Variants in NETO2 observed in about 807,000 individuals in gnomAD.
NETO2 encodes neuropilin and tolloid-like protein 2.
In NETO2, 28 loss-of-function variants were observed where a neutral mutation model predicts 62.5. The observed-to-expected ratio is 0.45, with a 90% CI of 0.33 to 0.61. The LOEUF is 0.61. Ranked by LOEUF, NETO2 falls within the 20% of genes least tolerant of loss-of-function variation. The probability of loss-of-function intolerance (pLI) is 0.02; values close to 1 mark genes in which losing one functional copy is unlikely to be tolerated. For missense variants in NETO2, 548 were observed against 643.2 expected (o/e 0.85, Z 1.60); for synonymous variants, 214 against 219.1 (o/e 0.98, Z 0.21).
chr16:47,102,743 T>C (rs954586578), intron 7 of NETO2, among the ~76,000 whole-genome samples: 4 of 152,192 alleles, frequency 2.6e-5, no homozygotes, highest in Non-Finnish European at 5.9e-5. Context: ...CACAATGAGC[T>C]ACCATCTCAC....
chr16:47,114,436 T>C (rs1366740183), intron 6 of NETO2, among the ~76,000 whole-genome samples: 1 of 135,018 alleles, frequency 7.4e-6, no homozygotes, highest in Non-Finnish European at 1.6e-5. Context: ...AATTTATAAA[T>C]TTCTTTTTTT....
At chr16:47,097,643 C>A (rs1596709534) in intron 7 of NETO2, among the ~76,000 whole-genome samples, 1 of 152,164 alleles carries the variant, frequency 6.6e-6, no homozygotes. Context: ...AAGAGAGCAG[C>A]AGACCTCCCA....
intron 2 of NETO2, among the ~76,000 whole-genome samples, chr16:47,131,521 T>G (rs1280814803): frequency 1.3e-5 from 2 of 152,168 alleles, no homozygotes; most frequent in African/African-American, 2.4e-5. Context: ...ACACTGGAAA[T>G]GTACTAAATT....
chr16:47,128,211 T>C, intron 4 of NETO2, 114 bp downstream of exon 4: 1 of 1,349,970 alleles, frequency 7.4e-7, no homozygotes, highest in Non-Finnish European at 1.0e-6. Flanking sequence ...GCTAATTTGT[T>C]TAAAATCTTG....
In NETO2 at chr16:47,109,500, A is replaced by C. The variant is rs1963744232; in HGVS notation, c.866T>G (p.Phe289Cys). 1.9e-6 allele frequency: 3 copies of C among 1,613,486 alleles called. No individual in the cohort carries two copies. The highest frequency in any genetic ancestry group is 1.7e-6 in the Non-Finnish European group (2 of 1,179,560). ...TTACTTACGCTCCACAAAGGAAGTA[A>C]AGAGCATTCGAAACCTGCTAAGCCG... ...GSRLSRFRMLFTSFVEPPCTS... is the reference protein window; with the variant it reads ...GSRLSRFRMLCTSFVEPPCTS... Residue 289 changes from phenylalanine (F) to cysteine (C), a missense_variant, in exon 7 of 9, where the codon TTT becomes TGT. Transcript: ENST00000562435.
chr16:47,086,296 G>A lies in NETO2; in HGVS notation c.927C>T (p.Cys309=). 6.2e-7 allele frequency: 1 copy of A among 1,614,012 alleles called. No individual in the cohort carries two copies. Among genetic ancestry groups the A allele is most frequent in the Non-Finnish European group, 8.5e-7 (1 of 1,179,940 alleles). Residue 309 remains cysteine, a synonymous_variant, in exon 8 of 9, where the codon TGC becomes TGT. Coordinates refer to ENST00000562435, the MANE Select transcript of NETO2 (RefSeq NM_018092.5). The stretch of plus-strand genomic sequence containing the variant: ...CATTACAGACTAAAGAATTATTGAT[G>A]CACATGTTGCTATGGCAAAAGAAAG... The part of the protein sequence containing the change: ...SSTFFCHSNM[C]INNSLVCNGV...
chr16:47,118,679 C>T (rs1160310036), intron 6 of NETO2, among the ~76,000 whole-genome samples: 1 of 152,186 alleles, frequency 6.6e-6, no homozygotes, highest in African/African-American at 2.4e-5. Context: ...ACAAAAATAT[C>T]TGTGTACCCA....
chr16:47,132,027 TAGAG>T lies in NETO2; in HGVS notation c.35-6_35-3del. On this transcript the variant is annotated splice_polypyrimidine_tract_variant and splice_region_variant and intron_variant, in intron 1 of 8. Coordinates refer to ENST00000562435, the MANE Select transcript of NETO2 (RefSeq NM_018092.5). ...CTACCAGTACTGTTATTAACAACAC[TAGAG>T]AAATAACAGAGAAGAAAAGTTATGA... is the stretch of plus-strand genomic sequence containing the variant. 6.2e-7 allele frequency: 1 copy of T among 1,608,994 alleles called. No individual in the cohort carries two copies. Among genetic ancestry groups the T allele is most frequent in the South Asian group, 1.1e-5 (1 of 90,784 alleles).
intron 6 of NETO2, among the ~76,000 whole-genome samples, chr16:47,117,674 T>G (rs1162398921): frequency 6.6e-6 from 1 of 152,206 alleles, no homozygotes; most frequent in Non-Finnish European, 1.5e-5. Flanking sequence ...ATTTTTCTTT[T>G]AGTTCTAAAT....
chr16:47,116,868 T>C (rs1963933875), intron 6 of NETO2, among the ~76,000 whole-genome samples: 1 of 152,210 alleles, frequency 6.6e-6, no homozygotes, highest in Non-Finnish European at 1.5e-5. Context: ...GATTTACCCA[T>C]TTCATCGAAG....
chr16:47,085,793 T>C (rs981972156), intron 8 of NETO2, among the ~76,000 whole-genome samples: 1 of 152,100 alleles, frequency 6.6e-6, no homozygotes, highest in Admixed American at 6.5e-5. Flanking sequence ...AACATTTACA[T>C]GTTTCCATTT....
At chr16:47,126,258 T>C (rs1212069106) in intron 4 of NETO2, among the ~76,000 whole-genome samples, 2 of 152,192 alleles carry the variant, frequency 1.3e-5, no homozygotes, top group African/African-American at 2.4e-5. Context: ...TGTCCTTCAG[T>C]AGAATGAATA....
rs867213775 is a variant in NETO2, at chr16:47,083,327, C to A, written c.1472G>T (p.Cys491Phe). Residue 491 changes from cysteine (C) to phenylalanine (F), a missense_variant, in exon 9 of 9, where the codon TGC becomes TTC. Cys to Phe is a radical substitution (Grantham distance 205). Transcript: ENST00000562435. The stretch of plus-strand genomic sequence containing the variant: ...TCGGTCTTCCAGGGCCTGCTCAGGG[C>A]ACTCATGTCCCTGTTTGAAAGTGTA... ...SSYTFKQGHE[C>F]PEQALEDRVM... 4 of 1,614,084 alleles carry A rather than the reference C, an allele frequency of 2.5e-6. No individual in the cohort carries two copies. The highest frequency in any genetic ancestry group is 1.3e-5 in the African/African-American group (1 of 74,932).
At chr16:47,136,853 GAAAA>G (rs201342744) in intron 1 of NETO2, among the ~76,000 whole-genome samples, 1 of 151,280 alleles carries the variant, frequency 6.6e-6, no homozygotes, top group East Asian at 1.9e-4. Flanking sequence ...ACTAGATTGG[GAAAA>G]AAAAGGTGAA....
At chr16:47,130,682 A>G (rs1171013987) in intron 2 of NETO2, among the ~76,000 whole-genome samples, 1 of 152,194 alleles carries the variant, frequency 6.6e-6, no homozygotes, top group African/African-American at 2.4e-5. Flanking sequence ...AAATCAGCAG[A>G]ACATTTAGAG....
rs542105581 is a variant in NETO2 at position 47,138,184 on chromosome 16, G to A, written c.34+5395C>T. Among the ~76,000 whole-genome samples, 14 of 152,296 alleles carry A rather than the reference G, an allele frequency of 9.2e-5. No individual in the cohort carries two copies. The South Asian group carries it at 2.9e-3, about 32-fold the overall frequency. ...TGCGAGGCTGAGGTGGGCGGGTCAT[G>A]AGGTCAGAAGTTCAAGACCAGCCTG... On this transcript the variant is annotated intron_variant, in intron 1 of 8. Transcript: ENST00000562435.
chr16:47,078,775 G>C lies in NETO2; in HGVS notation c.*4446C>G, dbSNP rs1338939860. ...AGAACACAGGAGCTCTTCCTGCCTAGTATCGAGCCTGTATACTGTTAACAA... is the reference window on the plus strand; with the variant it reads ...AGAACACAGGAGCTCTTCCTGCCTACTATCGAGCCTGTATACTGTTAACAA... On this transcript the variant is annotated 3_prime_UTR_variant, in exon 9 of 9. Coordinates refer to ENST00000562435, the MANE Select transcript of NETO2 (RefSeq NM_018092.5). 6.6e-6 allele frequency: 1 copy of C among 152,172 alleles called. No homozygotes were observed. The highest frequency in any genetic ancestry group is 1.9e-4 in the East Asian group (1 of 5,206). The allele number at this position is 152,172 out of a possible 1,614,324, so 9.4% of individuals were successfully genotyped here.
At chr16:47,123,043 A>C in intron 4 of NETO2, 131 bp from the exon 5 acceptor site, 1 of 809,934 alleles carries the variant, frequency 1.2e-6, no homozygotes. Flanking sequence ...ACTACATATC[A>C]TTGGTCATTT....
At chr16:47,112,177 C>G (rs1320929210) in intron 6 of NETO2, among the ~76,000 whole-genome samples, 1 of 152,036 alleles carries the variant, frequency 6.6e-6, no homozygotes, top group Non-Finnish European at 1.5e-5. Flanking sequence ...CTCAGCCTCC[C>G]AAAGTGCTGG....
Sources: gnomAD v4.1 joint callset for allele counts (sites outside exome capture counted in the v4.1 genomes callset) on GRCh38, gnomAD v4.1.1 for gene constraint, MANE v1.5 for transcripts, NCBI Gene and HGNC (gene_info 2026-07-23, HGNC 2026-07-21) for gene names.